CALN1: variants seen among roughly 807,000 people sequenced by gnomAD.
CALN1 encodes the protein calcium-binding protein 8.
In CALN1, 17 loss-of-function variants were observed where a neutral mutation model predicts 30.6. That is an observed-to-expected ratio of 0.56 (90% confidence interval 0.38 to 0.83). The LOEUF (loss-of-function observed/expected upper bound fraction) is 0.83, where lower values mean the gene tolerates loss of function less well. Ranked by LOEUF, CALN1 falls within the 40% of genes least tolerant of loss-of-function variation. CALN1 has a pLI of 0.00. For missense variants in CALN1, 291 were observed against 354.9 expected (o/e 0.82, Z 1.45); for synonymous variants, 156 against 131.4 (o/e 1.19, Z -1.28).
At chr7:72,365,463 T>G (rs1803823661) in intron 2 of CALN1, among the ~76,000 whole-genome samples, 1 of 152,168 alleles carries the variant, frequency 6.6e-6, no homozygotes, top group South Asian at 2.1e-4. Flanking sequence ...GTTTATTTTT[T>G]GAATAGGGTC....
intron 5 of CALN1, among the ~76,000 whole-genome samples, chr7:71,927,834 T>C (rs1468062058): frequency 6.6e-6 from 1 of 152,196 alleles, no homozygotes; most frequent in Non-Finnish European, 1.5e-5. Flanking sequence ...AGCAGCCAAA[T>C]GATGTCTTGA....
intron 3 of CALN1, among the ~76,000 whole-genome samples, chr7:72,252,910 A>C (rs192579145): frequency 1.3e-5 from 2 of 152,338 alleles, no homozygotes; most frequent in African/African-American, 2.4e-5. Context: ...GTAGGCACTC[A>C]ATCAACATTT....
At chr7:72,357,095 T>A (rs1460280729) in intron 2 of CALN1, among the ~76,000 whole-genome samples, 9 of 151,984 alleles carry the variant, frequency 5.9e-5, no homozygotes, top group Non-Finnish European at 1.3e-4. Flanking sequence ...ATGATTAAAA[T>A]GAAAACCAAA....
intron 1 of CALN1, among the ~76,000 whole-genome samples, chr7:72,430,868 G>A (rs1460474838): frequency 6.6e-6 from 1 of 151,904 alleles, no homozygotes; most frequent in Non-Finnish European, 1.5e-5. Flanking sequence ...CAAGGCAACT[G>A]CCCTCCAAGT....
chr7:71,892,815 G>T (rs187608064), intron 5 of CALN1, among the ~76,000 whole-genome samples: 2 of 152,078 alleles, frequency 1.3e-5, no homozygotes, highest in African/African-American at 4.8e-5. Flanking sequence ...TCTGAGTTTT[G>T]TATGTTTCTA....
chr7:72,185,414 C>G (rs1325273077), intron 3 of CALN1, among the ~76,000 whole-genome samples: 1 of 152,168 alleles, frequency 6.6e-6, no homozygotes, highest in African/African-American at 2.4e-5. Context: ...GCGCAGGAAG[C>G]TTTCATGGAC....
chr7:72,288,451 G>C (rs1404897037), intron 2 of CALN1, among the ~76,000 whole-genome samples: 1 of 152,084 alleles, frequency 6.6e-6, no homozygotes, highest in Non-Finnish European at 1.5e-5. Flanking sequence ...GTTTTCATTA[G>C]AACTGTGTCA....
the CALN1 span, among the ~76,000 whole-genome samples, chr7:72,475,999 A>T: frequency 8.1e-6 from 1 of 123,662 alleles, no homozygotes; most frequent in African/African-American, 3.2e-5. Flanking sequence ...CCCAGGCTGG[A>T]GTGCAGTGGT....
chr7:72,457,004 C>CTTTTTTTTT, the CALN1 span, among the ~76,000 whole-genome samples: 33 of 106,574 alleles, frequency 3.1e-4, no homozygotes, highest in Admixed American at 5.2e-4. Context: ...TTCTTTCTTT[C>CTTTTTTTTT]TTTTTTTTTT....
At chr7:71,802,131 A>G (rs1429695954) in intron 6 of CALN1, among the ~76,000 whole-genome samples, 1 of 152,174 alleles carries the variant, frequency 6.6e-6, no homozygotes, top group African/African-American at 2.4e-5. Context: ...TTAAACAGTA[A>G]ACATCCTGGA....
intron 2 of CALN1, among the ~76,000 whole-genome samples, chr7:72,302,882 A>T (rs1028965847): frequency 7.0e-5 from 7 of 100,564 alleles, no homozygotes; most frequent in Admixed American, 1.5e-4. Context: ...TTGGAGAGAG[A>T]GTGAGGGTCT....
At chr7:72,054,446 T>TATATATACACGTATATATATAC (rs1491141581) in intron 4 of CALN1, among the ~76,000 whole-genome samples, 4 of 47,450 alleles carry the variant, frequency 8.4e-5, no homozygotes, top group African/African-American at 2.4e-4. Context: ...TATATATATA[T>TATATATACACGTATATATATAC]ACATATATAT....
chr7:72,393,233 C>T (rs909925567), intron 2 of CALN1, among the ~76,000 whole-genome samples: 4 of 152,056 alleles, frequency 2.6e-5, no homozygotes, highest in African/African-American at 7.2e-5. Flanking sequence ...ATTGGGAGGC[C>T]GAGGCGTGTG....
At chr7:71,871,194 T>C (rs1042352551) in intron 5 of CALN1, among the ~76,000 whole-genome samples, 4 of 152,238 alleles carry the variant, frequency 2.6e-5, no homozygotes, top group African/African-American at 9.6e-5. Flanking sequence ...CAGCTTTATT[T>C]ATTCATTTTG....
At chr7:72,321,952 T>C (rs893663640) in intron 2 of CALN1, among the ~76,000 whole-genome samples, 4 of 152,192 alleles carry the variant, frequency 2.6e-5, no homozygotes, top group African/African-American at 9.6e-5. Context: ...CCCCAACATT[T>C]TTGGCACCAA....
At chr7:72,451,123 A>G (rs1337571167), upstream of CALN1, among the ~76,000 whole-genome samples, 1 of 150,878 alleles carries the variant, frequency 6.6e-6, no homozygotes, top group African/African-American at 2.4e-5. Flanking sequence ...GAAGGAGAAG[A>G]AGAGATAGAG....
intron 2 of CALN1, 67 bp downstream of exon 2, chr7:72,403,184 C>T: frequency 3.1e-6 from 4 of 1,300,888 alleles, no homozygotes; most frequent in African/African-American, 1.5e-5. Flanking sequence ...TCCTGGACCC[C>T]GCGCCACCCC....
chr7:72,106,346 C>T, intron 3 of CALN1, 52 bp from the exon 4 acceptor site: 19 of 1,607,536 alleles, frequency 1.2e-5, no homozygotes, highest in Non-Finnish European at 1.6e-5. Flanking sequence ...GGCTTTATTG[C>T]ACTGCAGTTA....
intron 5 of CALN1, among the ~76,000 whole-genome samples, chr7:71,884,345 G>C (rs1170817799): frequency 1.3e-5 from 2 of 152,136 alleles, no homozygotes; most frequent in Non-Finnish European, 2.9e-5. Flanking sequence ...AGAATCTTGG[G>C]GGGTGTAAGC....
Sources: allele counts gnomAD v4.1 joint callset (sites outside exome capture counted in the v4.1 genomes callset), GRCh38; gene constraint gnomAD v4.1.1; transcripts MANE v1.5; gene names NCBI Gene and HGNC (gene_info 2026-07-23, HGNC 2026-07-21).